BAZ2B: variants seen among roughly 807,000 people sequenced by gnomAD.
The protein encoded by BAZ2B is bromodomain adjacent to zinc finger domain protein 2B.
Under a neutral mutation model 246.0 loss-of-function variants are expected in BAZ2B, and 91 were observed. The ratio of observed to expected loss-of-function variants is 0.37; its 90% CI spans 0.31 to 0.44. The LOEUF (loss-of-function observed/expected upper bound fraction) is 0.44. BAZ2B is among the 20% of genes least tolerant of loss of function. The pLI is 1.00. For synonymous variants in BAZ2B, 855 were observed against 860.0 expected, an observed-to-expected ratio of 0.99 and a Z score of 0.10; for missense variants, 2,332 against 2,533.7, an observed-to-expected ratio of 0.92 and a Z score of 1.71.
intron 1 of BAZ2B, among the ~76,000 whole-genome samples, chr2:159,595,354 G>A (rs1035476667): frequency 2.7e-5 from 4 of 149,772 alleles, no homozygotes; most frequent in Non-Finnish European, 4.5e-5. Flanking sequence ...TGCCCACCTC[G>A]GCCTCCCAAA....
At chr2:159,324,757 T>A in intron 36 of BAZ2B, 54 bp downstream of exon 36, 2 of 1,278,154 alleles carry the variant, frequency 1.6e-6, no homozygotes, top group Non-Finnish European at 2.1e-6. Flanking sequence ...AAAATATGCC[T>A]AGCATATATC....
At chr2:159,380,963 G>A (rs756931629) in intron 25 of BAZ2B, among the ~76,000 whole-genome samples, 3 of 152,006 alleles carry the variant, frequency 2.0e-5, no homozygotes, top group Non-Finnish European at 4.4e-5. Flanking sequence ...AGTATATGCC[G>A]AGTTCTGTGA....
the BAZ2B span, among the ~76,000 whole-genome samples, chr2:159,644,250 G>A: frequency 6.6e-6 from 1 of 152,206 alleles, no homozygotes; most frequent in African/African-American, 2.4e-5. Flanking sequence ...GCATAGGATA[G>A]ACATTCCCAT....
Position 159,405,022 on chromosome 2 carries a change from C to T in BAZ2B, c.2770G>A (p.Ala924Thr). 6.2e-7 allele frequency: 1 copy of T among 1,613,908 alleles called. No individual in the cohort carries two copies. The highest frequency in any genetic ancestry group is 8.5e-7 in the Non-Finnish European group (1 of 1,179,920). ...TTTATGTTACATTTAAATCACTCAC[C>T]TTGTTGTTTTTTGGCTTCTTTAGCA... ...RVAKEAKKQQ[A>T]IMAAEEKRKQ... The change falls in exon 15 of 37, where the codon GCA becomes ACA. Residue 924 changes from alanine to threonine, a missense_variant and splice_region_variant. Physicochemically the swap from Ala to Thr is moderately conservative, Grantham distance 58. Transcript: ENST00000392783.
chr2:159,630,736 G>C, the BAZ2B span, among the ~76,000 whole-genome samples: 4 of 151,878 alleles, frequency 2.6e-5, no homozygotes, highest in Admixed American at 2.6e-4. Flanking sequence ...GGGTTTCACC[G>C]TGTTAGCCAG....
At chr2:159,490,518 G>GT (rs2080336390) in intron 2 of BAZ2B, among the ~76,000 whole-genome samples, 1 of 151,824 alleles carries the variant, frequency 6.6e-6, no homozygotes, top group Non-Finnish European at 1.5e-5. Flanking sequence ...GAGTTTTTTT[G>GT]TTTGTTTGTT....
intron 27 of BAZ2B, among the ~76,000 whole-genome samples, chr2:159,371,169 G>A (rs940142424): frequency 6.6e-6 from 1 of 151,376 alleles, no homozygotes; most frequent in African/African-American, 2.4e-5. Flanking sequence ...TTTGAGACAG[G>A]GCCCGCTCTG....
At chr2:159,673,547 T>A in the BAZ2B span, among the ~76,000 whole-genome samples, 2 of 152,190 alleles carry the variant, frequency 1.3e-5, no homozygotes, top group African/African-American at 4.8e-5. Context: ...AAAATATGTA[T>A]GTACAAGGTG....
At chr2:159,569,299 C>T (rs2151551348) in intron 1 of BAZ2B, among the ~76,000 whole-genome samples, 1 of 152,166 alleles carries the variant, frequency 6.6e-6, no homozygotes, top group South Asian at 2.1e-4. Context: ...ATGACATGAG[C>T]TATTCAAGAT....
chr2:159,533,137 TAGATCAC>T (rs144092498), intron 2 of BAZ2B, among the ~76,000 whole-genome samples: 227 of 152,268 alleles, frequency 1.5e-3, no homozygotes, highest in Non-Finnish European at 2.7e-3. Context: ...ATATTGAAGA[TAGATCAC>T]AGGCACTTTT....
chr2:159,524,256 C>T (rs1362803087), intron 2 of BAZ2B, among the ~76,000 whole-genome samples: 1 of 151,494 alleles, frequency 6.6e-6, no homozygotes, highest in Non-Finnish European at 1.5e-5. Context: ...CCCATCTCTA[C>T]AAAAATTTTA....
At chr2:159,552,858 T>C (rs1188402537) in intron 2 of BAZ2B, among the ~76,000 whole-genome samples, 1 of 152,112 alleles carries the variant, frequency 6.6e-6, no homozygotes, top group East Asian at 1.9e-4. Flanking sequence ...TACCAAACTA[T>C]TAGGAACAGA....
chr2:159,639,437 GAATA>G, the BAZ2B span, among the ~76,000 whole-genome samples: 1 of 152,078 alleles, frequency 6.6e-6, no homozygotes, highest in African/African-American at 2.4e-5. Context: ...TAAGTAGAAA[GAATA>G]AATGATAAAA....
chr2:159,524,700 A>C (rs558084293), intron 2 of BAZ2B, among the ~76,000 whole-genome samples: 4 of 152,328 alleles, frequency 2.6e-5, no homozygotes, highest in African/African-American at 9.6e-5. Context: ...TAGTATTTTA[A>C]ACTAAGAACA....
chr2:159,367,721 TAA>T (rs1197566799), intron 27 of BAZ2B, among the ~76,000 whole-genome samples: 1 of 151,676 alleles, frequency 6.6e-6, no homozygotes. Flanking sequence ...CCATCTCTAC[TAA>T]AAAAATACAA....
chr2:159,419,339 C>A (rs2068321018), intron 13 of BAZ2B, among the ~76,000 whole-genome samples: 1 of 152,004 alleles, frequency 6.6e-6, no homozygotes, highest in Non-Finnish European at 1.5e-5. Context: ...CGAAATTTGA[C>A]AATTCACATA....
In BAZ2B at chr2:159,386,340, T is replaced by C; in HGVS notation, c.3471+13A>G. 6.3e-7 allele frequency: 1 copy of C among 1,596,252 alleles called. No homozygotes were observed. Among genetic ancestry groups the C allele is most frequent in the East Asian group, 2.2e-5 (1 of 44,576 alleles). ...TACAAATTTAAAACATTTTATATTT[T>C]GTTTTTTTTTACCTTGTATCCTGTT... is the stretch of plus-strand genomic sequence containing the variant. On this transcript the variant is annotated intron_variant, in intron 22 of 36. Transcript: ENST00000392783.
At chr2:159,711,234 A>G in the BAZ2B span, among the ~76,000 whole-genome samples, 1 of 152,226 alleles carries the variant, frequency 6.6e-6, no homozygotes, top group South Asian at 2.1e-4. Context: ...TTTTCTTTAA[A>G]GGGCAAATTA....
At position 159,349,163 on chromosome 2, in the gene BAZ2B, ATAACCC is replaced by A. The variant is rs1455449435; in HGVS notation, c.4975_4980del (p.Gly1659_Leu1660del). On this transcript the variant is annotated inframe_deletion, in exon 29 of 37. Coordinates refer to ENST00000392783, the MANE Select transcript of BAZ2B (RefSeq NM_013450.4). ...AAGAATGAATTACCATTTCCTTCTG[ATAACCC>A]TAACCCCGATCCTAGACTAGGTACA... 1.9e-6 allele frequency: 3 copies of A among 1,614,024 alleles called. No individual in the cohort carries two copies. Among genetic ancestry groups the A allele is most frequent in the Non-Finnish European group, 2.5e-6 (3 of 1,180,002 alleles).
Sources: allele counts gnomAD v4.1 joint callset (sites outside exome capture counted in the v4.1 genomes callset), GRCh38; gene constraint gnomAD v4.1.1; transcripts MANE v1.5; gene names NCBI Gene and HGNC (gene_info 2026-07-23, HGNC 2026-07-21).